GSK3B: variants seen among roughly 807,000 people sequenced by gnomAD.
GSK3B encodes the protein glycogen synthase kinase-3 beta.
A neutral mutation model predicts 56.4 loss-of-function variants in GSK3B; 15 were observed. That is an observed-to-expected ratio of 0.27 (90% CI 0.18 to 0.41). The LOEUF is 0.41. Ranked by LOEUF, GSK3B falls within the 10% of genes least tolerant of loss-of-function variation. The probability of loss-of-function intolerance (pLI) is 1.00; values close to 1 mark genes in which losing one functional copy is unlikely to be tolerated. For synonymous variants in GSK3B, 181 were observed against 188.9 expected (o/e 0.96, Z 0.34); for missense variants, 300 against 513.4 (o/e 0.58, Z 4.02).
At chr3:119,958,492 A>T (rs1320391810) in intron 2 of GSK3B, among the ~76,000 whole-genome samples, 2 of 152,114 alleles carry the variant, frequency 1.3e-5, no homozygotes, top group African/African-American at 2.4e-5. Flanking sequence ...GCCTGACAAC[A>T]CAGGGAGATT....
intron 2 of GSK3B, among the ~76,000 whole-genome samples, chr3:119,997,054 C>T (rs1437973091): frequency 6.6e-6 from 1 of 152,160 alleles, no homozygotes; most frequent in East Asian, 1.9e-4. Context: ...ATAATAAAAA[C>T]TGTTCATCTA....
At chr3:119,924,835 A>C (rs1051097938) in intron 3 of GSK3B, among the ~76,000 whole-genome samples, 10 of 152,224 alleles carry the variant, frequency 6.6e-5, no homozygotes, top group African/African-American at 2.2e-4. Context: ...TTTGGACTAC[A>C]GTGACAGAAC....
chr3:120,059,752 T>A (rs537615764), intron 1 of GSK3B, among the ~76,000 whole-genome samples: 7 of 152,302 alleles, frequency 4.6e-5, no homozygotes, highest in African/African-American at 1.7e-4. Flanking sequence ...CATTTAGCAA[T>A]ACTTAATAAG....
At chr3:120,046,109 G>A (rs1228952449) in intron 1 of GSK3B, among the ~76,000 whole-genome samples, 1 of 151,974 alleles carries the variant, frequency 6.6e-6, no homozygotes, top group Non-Finnish European at 1.5e-5. Flanking sequence ...GGGAGGAGGG[G>A]GATGAGAAGG....
At chr3:119,838,767 A>G (rs2055729930) in intron 10 of GSK3B, among the ~76,000 whole-genome samples, 1 of 152,164 alleles carries the variant, frequency 6.6e-6, no homozygotes, top group African/African-American at 2.4e-5. Context: ...ATGATTATAT[A>G]TATTATGTGA....
At chr3:119,932,894 T>C (rs925979094) in intron 3 of GSK3B, among the ~76,000 whole-genome samples, 1 of 152,010 alleles carries the variant, frequency 6.6e-6, no homozygotes, top group Non-Finnish European at 1.5e-5. Context: ...GTTCAGGTGT[T>C]TGAGACCAGC....
intron 1 of GSK3B, among the ~76,000 whole-genome samples, chr3:120,005,461 A>G (rs1038866460): frequency 1.2e-4 from 18 of 151,068 alleles, no homozygotes; most frequent in African/African-American, 4.5e-4. Context: ...GAGCAACCCC[A>G]AGACACATAA....
chr3:119,900,634 T>C (rs2056615553), intron 7 of GSK3B, among the ~76,000 whole-genome samples: 1 of 152,138 alleles, frequency 6.6e-6, no homozygotes, highest in African/African-American at 2.4e-5. Flanking sequence ...TGTAAGAAAG[T>C]TAATAATCAA....
chr3:120,033,970 T>C lies in GSK3B; in HGVS notation c.89-31731A>G, dbSNP rs183349453. Among the ~76,000 whole-genome samples, 132 of 152,332 alleles carry C rather than the reference T, an allele frequency of 8.7e-4. 1 individual carries two copies. The South Asian group carries it at 0.011, about 13-fold the overall frequency. On this transcript the variant is annotated intron_variant, in intron 1 of 10. Transcript: ENST00000264235. Reference sequence around the variant, plus strand: ...AGTCTCAGGTAGTTCTGTATAGCAGTATAAGAATAGACTAATACATGCACT... The same window carrying C: ...AGTCTCAGGTAGTTCTGTATAGCAGCATAAGAATAGACTAATACATGCACT...
At chr3:119,866,309 C>T (rs1236748975) in intron 8 of GSK3B, among the ~76,000 whole-genome samples, 1 of 152,088 alleles carries the variant, frequency 6.6e-6, no homozygotes, top group Non-Finnish European at 1.5e-5. Flanking sequence ...TTTCATGGAT[C>T]TTCATCAATA....
rs576906923 is a variant in GSK3B, at chr3:119,878,370, T to C, written c.814-1862A>G. 8.7e-4 allele frequency among the ~76,000 whole-genome samples: 133 copies of C among 152,216 alleles called. No individual in the cohort carries two copies. The Middle Eastern group carries it at 0.017, about 19-fold the overall frequency. On this transcript the variant is annotated intron_variant, in intron 7 of 10. Coordinates refer to ENST00000264235, the MANE Select transcript of GSK3B (RefSeq NM_001146156.2). Reference sequence around the variant, plus strand: ...GCAAATAAGCACAAGAAAAGATGCTTGGCATCATTAATCATTAGGGAAATG... The same window carrying C: ...GCAAATAAGCACAAGAAAAGATGCTCGGCATCATTAATCATTAGGGAAATG...
At chr3:119,908,941 T>C (rs895329440) in intron 6 of GSK3B, among the ~76,000 whole-genome samples, 2 of 152,176 alleles carry the variant, frequency 1.3e-5, no homozygotes, top group African/African-American at 4.8e-5. Context: ...CTGATTAGGG[T>C]GTTTGCTTGT....
At chr3:119,958,085 C>T (rs987659798) in intron 2 of GSK3B, among the ~76,000 whole-genome samples, 2 of 152,104 alleles carry the variant, frequency 1.3e-5, no homozygotes, top group Admixed American at 1.3e-4. Context: ...CCCCATGCTG[C>T]TCTCCTAATA....
intron 2 of GSK3B, among the ~76,000 whole-genome samples, chr3:119,966,378 T>G (rs1241686983): frequency 6.6e-6 from 1 of 152,196 alleles, no homozygotes; most frequent in Non-Finnish European, 1.5e-5. Context: ...GCACTCTCAC[T>G]TAAGTATGAA....
chr3:119,978,850 C>T (rs542122515), intron 2 of GSK3B, among the ~76,000 whole-genome samples: 3 of 152,282 alleles, frequency 2.0e-5, no homozygotes, highest in Admixed American at 2.0e-4. Flanking sequence ...CTCAGAGGAC[C>T]AGCAGGACTA....
At chr3:119,925,304 G>C (rs138509388) in intron 3 of GSK3B, among the ~76,000 whole-genome samples, 2 of 152,270 alleles carry the variant, frequency 1.3e-5, no homozygotes, top group African/African-American at 4.8e-5. Context: ...CTCCAGTCTG[G>C]GTGACAGAGC....
intron 1 of GSK3B, among the ~76,000 whole-genome samples, chr3:120,031,935 A>T: frequency 6.6e-6 from 1 of 152,304 alleles, no homozygotes; most frequent in East Asian, 1.9e-4. Context: ...ATCATTCCAG[A>T]CTACAATGAT....
intron 2 of GSK3B, among the ~76,000 whole-genome samples, chr3:119,959,272 T>C (rs960973102): frequency 1.3e-5 from 2 of 152,140 alleles, no homozygotes; most frequent in African/African-American, 4.8e-5. Flanking sequence ...AGACTCCCAA[T>C]TGTATATCTC....
intron 7 of GSK3B, among the ~76,000 whole-genome samples, chr3:119,887,542 AG>A (rs1457685159): frequency 1.3e-5 from 2 of 152,140 alleles, no homozygotes; most frequent in African/African-American, 4.8e-5. Flanking sequence ...GGTTAGACAC[AG>A]GGAAGAAACT....
Sources: allele counts gnomAD v4.1 joint callset (sites outside exome capture counted in the v4.1 genomes callset), GRCh38; gene constraint gnomAD v4.1.1; transcripts MANE v1.5; gene names NCBI Gene and HGNC (gene_info 2026-07-23, HGNC 2026-07-21).